The following B3GALT1 variants were observed in gnomAD, a reference collection of about 807,000 sequenced individuals.
B3GALT1 encodes beta-1,3-galactosyltransferase 1.
B3GALT1 carries 10 observed loss-of-function variants against 23.2 expected under a neutral mutation model. That is an observed-to-expected ratio of 0.43 (90% CI 0.27 to 0.73). The LOEUF is 0.73. Ranked by LOEUF, B3GALT1 falls within the 30% of genes least tolerant of loss-of-function variation. The pLI is 0.21. For missense variants in B3GALT1, 299 were observed against 405.4 expected, an observed-to-expected ratio of 0.74 and a Z score of 2.25; for synonymous variants, 156 against 141.5, an observed-to-expected ratio of 1.10 and a Z score of -0.73.
intron 1 of B3GALT1, among the ~76,000 whole-genome samples, chr2:167,336,634 T>C (rs544497840): frequency 5.9e-5 from 9 of 152,326 alleles, no homozygotes; most frequent in Non-Finnish European, 1.2e-4. Flanking sequence ...TTTTAAAATA[T>C]AGATACTTAT....
At chr2:167,538,210 ACT>A (rs1456120029) in intron 2 of B3GALT1, among the ~76,000 whole-genome samples, 2 of 152,148 alleles carry the variant, frequency 1.3e-5, no homozygotes, top group Non-Finnish European at 1.5e-5. Context: ...ACTTAGATCT[ACT>A]AAGATTTATG....
intron 2 of B3GALT1, among the ~76,000 whole-genome samples, chr2:167,534,078 T>C (rs1683376204): frequency 6.6e-6 from 1 of 152,198 alleles, no homozygotes; most frequent in Admixed American, 6.5e-5. Context: ...GTCTCTGAGC[T>C]TTTACTGTTT....
intron 3 of B3GALT1, among the ~76,000 whole-genome samples, chr2:167,796,178 T>C (rs1439530176): frequency 6.6e-6 from 1 of 152,218 alleles, no homozygotes; most frequent in African/African-American, 2.4e-5. Context: ...TGTGACTAAC[T>C]TGTCACATTT....
intron 2 of B3GALT1, among the ~76,000 whole-genome samples, chr2:167,644,088 G>T (rs1048500828): frequency 1.3e-5 from 2 of 152,166 alleles, no homozygotes; most frequent in Non-Finnish European, 2.9e-5. Flanking sequence ...TAAGAGTTCA[G>T]TTTTCACAGT....
Position 167,597,216 on chromosome 2 carries a change from T to C in B3GALT1, c.-409-49693T>C, listed in dbSNP as rs554618543. Among the ~76,000 whole-genome samples the C allele has an allele frequency of 5.5e-4, 84 of 151,478 alleles. 1 individual carries two copies. In the East Asian group the frequency reaches 5.9e-3, roughly 11 times the overall value. On this transcript the variant is annotated intron_variant, in intron 2 of 4. Coordinates refer to ENST00000392690, the MANE Select transcript of B3GALT1 (RefSeq NM_020981.4). ...CTGCAAACTCCGCCTTCCGGGTTCA[T>C]GCCATTCTCCTGCCTCAGCCTCCCT...
chr2:167,651,824 T>G (rs2105464758), intron 3 of B3GALT1, among the ~76,000 whole-genome samples: 1 of 152,274 alleles, frequency 6.6e-6, no homozygotes, highest in Non-Finnish European at 1.5e-5. Flanking sequence ...CCTAGAGTTC[T>G]GCTCCCTGGG....
chr2:167,459,413 C>T (rs919985058), intron 1 of B3GALT1, among the ~76,000 whole-genome samples: 2 of 151,996 alleles, frequency 1.3e-5, no homozygotes. Flanking sequence ...TGTTCCCAAC[C>T]CTTTTCCTGT....
chr2:167,749,209 T>G (rs1687696542), intron 3 of B3GALT1, among the ~76,000 whole-genome samples: 3 of 152,182 alleles, frequency 2.0e-5, no homozygotes, highest in African/African-American at 7.2e-5. Context: ...AAGTTAACCT[T>G]AAGGACACAT....
intron 3 of B3GALT1, among the ~76,000 whole-genome samples, chr2:167,733,763 TC>T (rs1485930347): frequency 1.1e-4 from 16 of 152,154 alleles, no homozygotes; most frequent in Admixed American, 7.9e-4. Flanking sequence ...TTAACATTCT[TC>T]AAAGCCATTT....
intron 3 of B3GALT1, among the ~76,000 whole-genome samples, chr2:167,807,245 T>C (rs1447524413): frequency 1.3e-5 from 2 of 152,220 alleles, no homozygotes; most frequent in African/African-American, 4.8e-5. Context: ...ATCAATTTTG[T>C]TGATCTTTTC....
intron 1 of B3GALT1, among the ~76,000 whole-genome samples, chr2:167,438,563 A>G (rs551524818): frequency 5.9e-5 from 9 of 152,316 alleles, no homozygotes; most frequent in African/African-American, 1.9e-4. Flanking sequence ...GGATGGGCAT[A>G]AATTGCTGAG....
intron 4 of B3GALT1, among the ~76,000 whole-genome samples, chr2:167,837,545 CA>C (rs1173437117): frequency 3.3e-5 from 5 of 150,912 alleles, no homozygotes; most frequent in Non-Finnish European, 5.9e-5. Flanking sequence ...GAGTGACCTA[CA>C]AAGAGACTTA....
intron 1 of B3GALT1, among the ~76,000 whole-genome samples, chr2:167,396,757 C>G (rs1315052588): frequency 6.6e-6 from 1 of 151,786 alleles, no homozygotes; most frequent in African/African-American, 2.4e-5. Flanking sequence ...CAGGACATGA[C>G]CAAGAAGAGC....
chr2:167,525,590 C>A (rs1233587270), intron 2 of B3GALT1, among the ~76,000 whole-genome samples: 1 of 151,648 alleles, frequency 6.6e-6, no homozygotes, highest in Admixed American at 6.6e-5. Context: ...TGCTCAGATT[C>A]TTTCAGATGT....
rs114859924 is a variant in B3GALT1, at chr2:167,788,266, G to A, written c.-351-30406G>A. Among the ~76,000 whole-genome samples the A allele has an allele frequency of 3.6e-3, 538 of 150,726 alleles. 7 individuals carry two copies. Among genetic ancestry groups the A allele is most frequent in the African/African-American group, 0.013 (515 of 40,982 alleles). On this transcript the variant is annotated intron_variant, in intron 3 of 4. Coordinates refer to ENST00000392690, the MANE Select transcript of B3GALT1 (RefSeq NM_020981.4). ...ATGGAAGACAATTTTTCCACAGTCC[G>A]GAAGTGGGTGGGGGCGGGGGGGTGT...
chr2:167,547,693 C>CAAAAAA (rs71031296), intron 2 of B3GALT1, among the ~76,000 whole-genome samples: 50 of 75,506 alleles, frequency 6.6e-4, no homozygotes, highest in African/African-American at 1.6e-3. Context: ...GACTCTGTCT[C>CAAAAAA]AAAAAAAAAA....
intron 2 of B3GALT1, among the ~76,000 whole-genome samples, chr2:167,564,152 GGTT>G (rs1684097207): frequency 1.3e-5 from 2 of 149,208 alleles, no homozygotes; most frequent in African/African-American, 2.5e-5. Flanking sequence ...CAGACGGGGC[GGTT>G]GCCAGGCAGA....
At chr2:167,540,450 C>T (rs1038119779) in intron 2 of B3GALT1, among the ~76,000 whole-genome samples, 2 of 152,208 alleles carry the variant, frequency 1.3e-5, no homozygotes, top group African/African-American at 4.8e-5. Context: ...AGAGGCACTG[C>T]TCTAGGCTAC....
intron 3 of B3GALT1, among the ~76,000 whole-genome samples, chr2:167,663,669 G>A (rs1002449098): frequency 2.0e-5 from 3 of 150,388 alleles, no homozygotes; most frequent in Non-Finnish European, 4.5e-5. Flanking sequence ...GTTGTGAGAT[G>A]GTATCTCATT....
Sources: allele counts gnomAD v4.1 joint callset (sites outside exome capture counted in the v4.1 genomes callset), GRCh38; gene constraint gnomAD v4.1.1; transcripts MANE v1.5; gene names NCBI Gene and HGNC (gene_info 2026-07-23, HGNC 2026-07-21).